ZIC4: variants seen among roughly 807,000 people sequenced by gnomAD.
The protein encoded by ZIC4 is Zic family zinc finger 4, also known as zinc finger protein ZIC 4.
In ZIC4, 15 loss-of-function variants were observed where a neutral mutation model predicts 28.8. The ratio of observed to expected loss-of-function variants is 0.52; its 90% CI spans 0.35 to 0.80. The LOEUF is 0.80. Among genes scored for constraint, ZIC4 ranks in the 30% least tolerant of loss-of-function variants. ZIC4 has a pLI of 0.01. For missense variants in ZIC4, 512 were observed against 467.1 expected, an observed-to-expected ratio of 1.10 and a Z score of -0.89; for synonymous variants, 220 against 198.1, an observed-to-expected ratio of 1.11 and a Z score of -0.93.
chr3:147,390,719 G>A (rs1268764424), intron 4 of ZIC4, among the ~76,000 whole-genome samples: 2 of 152,318 alleles, frequency 1.3e-5, no homozygotes, highest in East Asian at 3.9e-4. Context: ...AACTATTACA[G>A]GTGGCCGGCC....
In ZIC4 at chr3:147,402,708, A is replaced by G. The variant is rs1310978643; in HGVS notation, c.70+20T>C. On this transcript the variant is annotated intron_variant, in intron 2 of 4. Transcript: ENST00000383075. ...AAAAGAAACCAGCAAACCAATATTCAAAGGAGGATTTTAACTTACTTGACT... is the reference window on the plus strand; with the variant it reads ...AAAAGAAACCAGCAAACCAATATTCGAAGGAGGATTTTAACTTACTTGACT... 7 of 1,589,034 alleles carry G rather than the reference A, an allele frequency of 4.4e-6. No individual in the cohort carries two copies. Among genetic ancestry groups the G allele is most frequent in the Non-Finnish European group, 5.1e-6 (6 of 1,167,558 alleles).
intron 1 of ZIC4, 22 bp from the exon 2 acceptor site, chr3:147,402,834 A>G (rs1032203651): frequency 2.5e-6 from 4 of 1,606,884 alleles, no homozygotes; most frequent in African/African-American, 2.7e-5. Context: ...GAAAAGAGTG[A>G]CAGTCACTAG....
At position 147,396,337 on chromosome 3, in the gene ZIC4, G is replaced by A. The variant is rs776641741; in HGVS notation, c.203C>T (p.Pro68Leu). The A allele has an allele frequency of 1.3e-6, 2 of 1,580,672 alleles. No individual in the cohort carries two copies. Among genetic ancestry groups the A allele is most frequent in the East Asian group, 4.5e-5 (2 of 44,532 alleles). ...PLNGLLRLGL[P>L]GDMYARPEPF... ...CTCCGGCCGCGCGTACATGTCTCCA[G>A]GGAGCCCCAGACGCAGGAGTCCATT... The change falls in exon 3 of 5, where the codon CCT becomes CTT. Residue 68 changes from proline to leucine, a missense_variant. By Grantham distance (98) the Pro-to-Leu change is moderately conservative. This residue lies in a region of ZIC4 where 310 missense variants were observed against 256.5 expected (regional missense o/e 1.21). Transcript: ENST00000383075. The surrounding 1 kb of genome is among the most constrained non-coding windows in gnomAD (Gnocchi z 4.2).
chr3:147,402,794 T>A lies in ZIC4; in HGVS notation c.4A>T (p.Arg2Ter). Residue 2 changes from arginine to a stop codon, truncating the protein, a stop_gained, in exon 2 of 5, where the codon AGA (arginine) becomes TGA (stop). Transcript: ENST00000383075. LOFTEE classifies it high-confidence loss of function. M[R>*]YKTSLVMRKR... ...CTCATCACCAAGGATGTCTTGTATC[T>A]CATTTTCTGACTTTGAGCCTGTTTG... 2 of 1,613,872 alleles carry A rather than the reference T, an allele frequency of 1.2e-6. No homozygotes were observed. Among genetic ancestry groups the A allele is most frequent in the Non-Finnish European group, 1.7e-6 (2 of 1,179,932 alleles).
chr3:147,396,673 G>A lies in ZIC4; in HGVS notation c.71-204C>T. 1.8e-6 allele frequency: 1 copy of A among 568,716 alleles called. No homozygotes were observed. The allele number at this position is 568,716 out of a possible 1,614,324, so 35.2% of individuals were successfully genotyped here. On this transcript the variant is annotated intron_variant, in intron 2 of 4. Transcript: ENST00000383075. The surrounding 1 kb of genome is among the most constrained non-coding windows in gnomAD (Gnocchi z 4.2). ...GCCGCCATTGGGCCGAATTGCTGTT[G>A]GGCCAAGTCCCCCGCCGCGCCATGA...
At chr3:147,392,823 C>T (rs538726079) in intron 3 of ZIC4, 1 of 152,376 alleles carries the variant, frequency 6.6e-6, no homozygotes, top group Admixed American at 6.5e-5. Flanking sequence ...GATTCCCACC[C>T]TACAGGAGCA....
rs753587089 is a variant in ZIC4 at position 147,386,436 on chromosome 3, G to A, written c.*2423C>T. On this transcript the variant is annotated 3_prime_UTR_variant, in exon 5 of 5. Coordinates refer to ENST00000383075, the MANE Select transcript of ZIC4 (RefSeq NM_032153.6). ...AATTATTACATTTTCTCATAAATTAGCAATATAAACAAACATATGGAGACC... is the reference window on the plus strand; with the variant it reads ...AATTATTACATTTTCTCATAAATTAACAATATAAACAAACATATGGAGACC... The A allele has an allele frequency of 6.6e-6, 1 of 152,562 alleles. No homozygotes were observed. Among genetic ancestry groups the A allele is most frequent in the African/African-American group, 2.4e-5 (1 of 41,418 alleles). 9.5% of individuals were successfully genotyped at this position (152,562 alleles called of 1,614,324 possible).
At chr3:147,389,019 G>T in intron 4 of ZIC4, 160 bp from the exon 5 acceptor site, 3 of 625,814 alleles carry the variant, frequency 4.8e-6, no homozygotes, top group Admixed American at 2.9e-5. Flanking sequence ...TTTAAACATT[G>T]GCAGAAGCAG....
chr3:147,393,545 T>C (rs2086972244), intron 3 of ZIC4: 1 of 237,174 alleles, frequency 4.2e-6, no homozygotes, highest in Admixed American at 5.4e-5. Flanking sequence ...CAGATTCTCA[T>C]CCCAGAGGCC....
intron 2 of ZIC4, among the ~76,000 whole-genome samples, chr3:147,398,101 C>G (rs1016623501): frequency 6.6e-6 from 1 of 152,178 alleles, no homozygotes; most frequent in Non-Finnish European, 1.5e-5. Context: ...ACAAGTCACA[C>G]CCACCCGCAG....
chr3:147,390,953 G>A lies in ZIC4; in HGVS notation c.982C>T (p.Arg328Cys). 1 of 1,611,004 alleles carries A rather than the reference G, an allele frequency of 6.2e-7. No individual in the cohort carries two copies. Among genetic ancestry groups the A allele is most frequent in the Non-Finnish European group, 8.5e-7 (1 of 1,178,828 alleles). ...QVASSAAVAARTADLSE is the reference protein window; with the variant it reads ...QVASSAAVAACTADLSE ...TACCATTCGCTCAAGTCGGCGGTAC[G>A]CGCCGCCACCGCCGCCGAGGAGGCC... The change falls in exon 4 of 5, where the codon CGT becomes TGT. Residue 328 changes from arginine (R) to cysteine (C), a missense_variant. Physicochemically the swap from Arg to Cys is radical, Grantham distance 180. This residue lies in a region of ZIC4 where 144 missense variants were observed against 116.8 expected (regional missense o/e 1.23). Coordinates refer to ENST00000383075, the MANE Select transcript of ZIC4 (RefSeq NM_032153.6).
In ZIC4 at chr3:147,400,186, A is replaced by AT. The variant is rs201974239; in HGVS notation, c.70+2541dup. Among the ~76,000 whole-genome samples the AT allele has an allele frequency of 1.9e-3, 285 of 152,230 alleles. 1 individual carries two copies. The highest frequency in any genetic ancestry group is 6.5e-3 in the African/African-American group (270 of 41,520). The stretch of plus-strand genomic sequence containing the variant: ...TAGAAGGTTGTGAAAATAAAGAGGC[A>AT]TTTTTTTCTCCTCCAAGTTTATGGG... On this transcript the variant is annotated intron_variant, in intron 2 of 4. Coordinates refer to ENST00000383075, the MANE Select transcript of ZIC4 (RefSeq NM_032153.6).
intron 3 of ZIC4, among the ~76,000 whole-genome samples, chr3:147,394,207 C>T (rs2086989853): frequency 6.6e-6 from 1 of 151,742 alleles, no homozygotes; most frequent in South Asian, 2.1e-4. Flanking sequence ...GCAGGCCAGA[C>T]TCTGTAGTTC....
Position 147,388,407 on chromosome 3 carries a change from A to G in ZIC4, c.*452T>C, listed in dbSNP as rs2086837712. On this transcript the variant is annotated 3_prime_UTR_variant, in exon 5 of 5. Coordinates refer to ENST00000383075, the MANE Select transcript of ZIC4 (RefSeq NM_032153.6). ...ATTTCCTCGCCTTTAGAAACTCGCC[A>G]TCAAACCCAAACGCGCCCTCTGATC... 1.1e-5 allele frequency: 2 copies of G among 175,344 alleles called. No homozygotes were observed. The highest frequency in any genetic ancestry group is 2.4e-5 in the Non-Finnish European group (2 of 83,692). 10.9% of individuals were successfully genotyped at this position (175,344 alleles called of 1,614,324 possible).
In ZIC4 at chr3:147,388,850, C is replaced by T. The variant is rs533610767; in HGVS notation, c.*9G>A. ...GAGCGAGATTACCTTGCGAGCAACG[C>T]GGTGGACATCTGTAACAAGCAAATG... On this transcript the variant is annotated 3_prime_UTR_variant, in exon 5 of 5. Coordinates refer to ENST00000383075, the MANE Select transcript of ZIC4 (RefSeq NM_032153.6). 1 of 780,072 alleles carries T rather than the reference C, an allele frequency of 1.3e-6. No individual in the cohort carries two copies. Among genetic ancestry groups the T allele is most frequent in the South Asian group, 1.3e-5 (1 of 74,302 alleles). 48.3% of individuals were successfully genotyped at this position (780,072 alleles called of 1,614,324 possible).
In ZIC4 at chr3:147,388,826, A is replaced by G. The variant is rs780689665; in HGVS notation, c.*33T>C. Reference sequence around the variant, plus strand: ...AGATGCGGGGCGCTCAGCTGCGCGGAGCGAGATTACCTTGCGAGCAACGCG... The same window carrying G: ...AGATGCGGGGCGCTCAGCTGCGCGGGGCGAGATTACCTTGCGAGCAACGCG... On this transcript the variant is annotated 3_prime_UTR_variant, in exon 5 of 5. Transcript: ENST00000383075. 9.0e-6 allele frequency: 7 copies of G among 778,678 alleles called. No individual in the cohort carries two copies. Among genetic ancestry groups the G allele is most frequent in the Middle Eastern group, 2.3e-4 (1 of 4,392 alleles). The allele number at this position is 778,678 out of a possible 1,614,324, so 48.2% of individuals were successfully genotyped here.
At chr3:147,405,243 G>T in intron 1 of ZIC4, 1 of 825,136 alleles carries the variant, frequency 1.2e-6, no homozygotes, top group Non-Finnish European at 1.8e-6. Flanking sequence ...ATCAGGCTGG[G>T]CATTTAGCCC....
rs764276162 is a variant in ZIC4, at chr3:147,405,462, G to A, written c.-16+901C>T. The A allele has an allele frequency of 2.3e-5, 35 of 1,537,016 alleles. No homozygotes were observed. The Admixed American group carries it at 3.1e-4, about 14-fold the overall frequency. On this transcript the variant is annotated intron_variant, in intron 1 of 4. Coordinates refer to ENST00000383075, the MANE Select transcript of ZIC4 (RefSeq NM_032153.6). ...TCCGCTTTCCTAAGACTTTGACATGGGCCATTCATCAACCCCAACTTTCAG... is the reference window on the plus strand; with the variant it reads ...TCCGCTTTCCTAAGACTTTGACATGAGCCATTCATCAACCCCAACTTTCAG...
At chr3:147,402,143 T>C (rs144270266) in intron 2 of ZIC4, among the ~76,000 whole-genome samples, 1 of 152,332 alleles carries the variant, frequency 6.6e-6, no homozygotes, top group African/African-American at 2.4e-5. Flanking sequence ...ATGCTTATTC[T>C]AAATGGAATA....
Sources: gnomAD v4.1 joint callset for allele counts (sites outside exome capture counted in the v4.1 genomes callset) on GRCh38, gnomAD v4.1.1 for gene constraint, gnomAD v4.1.1 regional missense constraint, Gnocchi (gnomAD v3.1) non-coding constraint, MANE v1.5 for transcripts, NCBI Gene and HGNC (gene_info 2026-07-23, HGNC 2026-07-21) for gene names.